VGLL2: variants seen among roughly 807,000 people sequenced by gnomAD.
VGLL2 encodes vestigial like family member 2, also known as transcription cofactor vestigial-like protein 2.
Under a neutral mutation model 27.0 loss-of-function variants are expected in VGLL2, and 18 were observed. The ratio of observed to expected loss-of-function variants is 0.67; its 90% CI spans 0.46 to 0.99. The LOEUF is 0.99. Among genes scored for constraint, VGLL2 ranks in the 50% least tolerant of loss-of-function variants. The pLI, the probability that VGLL2 is intolerant of heterozygous loss-of-function variation, is 0.00. For missense variants in VGLL2, 491 were observed against 452.3 expected (o/e 1.09, Z -0.78); for synonymous variants, 220 against 201.1 (o/e 1.09, Z -0.80).
rs998059585 is a variant in VGLL2 at position 117,265,783 on chromosome 6, T to G, written c.20T>G (p.Met7Arg). The G allele has an allele frequency of 6.2e-7, 1 of 1,614,134 alleles. No homozygotes were observed. Among genetic ancestry groups the G allele is most frequent in the Non-Finnish European group, 8.5e-7 (1 of 1,179,982 alleles). The change falls in exon 1 of 4, where the codon ATG becomes AGG. Residue 7 changes from methionine to arginine, a missense_variant. Transcript: ENST00000326274. Reference protein sequence around the residue: MSCLDVMYQVYGPPQPY... With the variant: MSCLDVRYQVYGPPQPY... Reference sequence around the variant, plus strand: ...AGAGTCATGAGCTGTCTGGATGTTATGTACCAAGTCTATGGTCCTCCGCAG... The same window carrying G: ...AGAGTCATGAGCTGTCTGGATGTTAGGTACCAAGTCTATGGTCCTCCGCAG...
Position 117,270,722 on chromosome 6 carries a change from A to G in VGLL2, c.571A>G (p.Thr191Ala). 6.6e-7 allele frequency: 1 copy of G among 1,526,520 alleles called. No homozygotes were observed. The highest frequency in any genetic ancestry group is 8.7e-7 in the Non-Finnish European group (1 of 1,146,642). 94.6% of individuals were successfully genotyped at this position (1,526,520 alleles called of 1,614,324 possible). A position where few individuals can be genotyped will look rare whatever the true frequency, so the allele number is the denominator to read the frequency against. The stretch of plus-strand genomic sequence containing the variant: ...GCATGGCCACCTGCACCAGGGCGCC[A>G]CGGAGCCCTGGCACCACGCGCACCC... ...ALHGHLHQGA[T>A]EPWHHAHPHH... The change falls in exon 3 of 4, where the codon ACG becomes GCG. Residue 191 changes from threonine to alanine, a missense_variant. Thr to Ala is a moderately conservative substitution (Grantham distance 58). Transcript: ENST00000326274.
intron 2 of VGLL2, among the ~76,000 whole-genome samples, chr6:117,269,669 T>C (rs1216107428): frequency 2.0e-5 from 3 of 152,236 alleles, no homozygotes; most frequent in Non-Finnish European, 4.4e-5. Context: ...GAATTAAATA[T>C]CTGTCTTTCT....
At chr6:117,268,097 A>C in intron 1 of VGLL2, 85 bp from the exon 2 acceptor site, 28 of 1,351,796 alleles carry the variant, frequency 2.1e-5, no homozygotes, top group Non-Finnish European at 2.7e-5. Context: ...TAAATACCTT[A>C]GAGATTAGGA....
In VGLL2 at chr6:117,270,989, T is replaced by G; in HGVS notation, c.838T>G (p.Trp280Gly). 1 of 1,232,696 alleles carries G rather than the reference T, an allele frequency of 8.1e-7. No individual in the cohort carries two copies. Among genetic ancestry groups the G allele is most frequent in the Non-Finnish European group, 1.0e-6 (1 of 991,340 alleles). 76.4% of individuals were successfully genotyped at this position (1,232,696 alleles called of 1,614,324 possible). ...SGKGEPAGAA[W>G]AGPGGPFASP... ...CAAAGGCGAGCCGGCGGGCGCCGCG[T>G]GGGCCGGGCCCGGGGGACCCTTCGC... The change falls in exon 3 of 4, where the codon TGG becomes GGG. Residue 280 changes from tryptophan to glycine, a missense_variant. Trp to Gly is a radical substitution (Grantham distance 184). Coordinates refer to ENST00000326274, the MANE Select transcript of VGLL2 (RefSeq NM_182645.3).
chr6:117,269,356 C>A (rs1773133456), intron 2 of VGLL2, among the ~76,000 whole-genome samples: 1 of 152,120 alleles, frequency 6.6e-6, no homozygotes, highest in South Asian at 2.1e-4. Context: ...GTGTACCAAG[C>A]TGAGAAAGGG....
chr6:117,270,490 T>A, intron 2 of VGLL2, 53 bp from the exon 3 acceptor site: 3 of 1,517,494 alleles, frequency 2.0e-6, no homozygotes, highest in Non-Finnish European at 2.6e-6. Context: ...CCAGCCGCAG[T>A]GACACGCACC....
chr6:117,270,027 G>A (rs1773147727), intron 2 of VGLL2, among the ~76,000 whole-genome samples: 1 of 152,104 alleles, frequency 6.6e-6, no homozygotes. Context: ...TAGGTGGTGG[G>A]GGGCACATTT....
rs746120919 is a variant in VGLL2, at chr6:117,268,351, G to A, written c.251G>A (p.Arg84His). ...RPPEAEYINS[R>H]CVLFTYFQGD... ...CCAGAGGCAGAGTACATCAACTCCCGCTGCGTCCTCTTCACTTATTTCCAG... is the reference window on the plus strand; with the variant it reads ...CCAGAGGCAGAGTACATCAACTCCCACTGCGTCCTCTTCACTTATTTCCAG... The change falls in exon 2 of 4, where the codon CGC becomes CAC. Residue 84 changes from arginine to histidine, a missense_variant. By Grantham distance (29) the Arg-to-His change is conservative. Coordinates refer to ENST00000326274, the MANE Select transcript of VGLL2 (RefSeq NM_182645.3). 13 of 1,614,008 alleles carry A rather than the reference G, an allele frequency of 8.1e-6. No homozygotes were observed. The highest frequency in any genetic ancestry group is 6.7e-5 in the African/African-American group (5 of 74,900).
chr6:117,271,650 G>A (rs1424216071), intron 3 of VGLL2, among the ~76,000 whole-genome samples: 1 of 151,846 alleles, frequency 6.6e-6, no homozygotes, highest in Non-Finnish European at 1.5e-5. Context: ...TATGCTTATG[G>A]CTCCCATTGT....
rs1042366767 is a variant in VGLL2, at chr6:117,271,318, AATAATG to A, written c.913+260_913+265del. ...TTAAAATAATAATAATAATAATAAT[AATAATG>A]ATAATAATAATAATAATAATAATAA... is the stretch of plus-strand genomic sequence containing the variant. On this transcript the variant is annotated intron_variant, in intron 3 of 3. Transcript: ENST00000326274. Among the ~76,000 whole-genome samples the A allele has an allele frequency of 1.0e-4, 14 of 139,940 alleles. 1 individual carries two copies. The South Asian group carries it at 1.5e-3, about 15-fold the overall frequency. The allele number at this position is 139,940 out of a possible 152,430, so 91.8% of individuals were successfully genotyped here. A position where few individuals can be genotyped will look rare whatever the true frequency, so the allele number is the denominator to read the frequency against.
chr6:117,271,110 G>A (rs1328523840), intron 3 of VGLL2, 46 bp downstream of exon 3: 4 of 1,201,134 alleles, frequency 3.3e-6, no homozygotes, highest in Non-Finnish European at 3.1e-6. Flanking sequence ...GCTCGGCCCC[G>A]TACCCGACCC....
At chr6:117,268,909 AC>A (rs1350916818) in intron 2 of VGLL2, among the ~76,000 whole-genome samples, 1 of 152,272 alleles carries the variant, frequency 6.6e-6, no homozygotes, top group South Asian at 2.1e-4. Context: ...ACCCTCCCAA[AC>A]CAGTGAGTGA....
At chr6:117,270,423 C>A in intron 2 of VGLL2, 120 bp from the exon 3 acceptor site, 1 of 1,315,492 alleles carries the variant, frequency 7.6e-7, no homozygotes, top group East Asian at 3.0e-5. Flanking sequence ...GCTAGCCAGC[C>A]CTGTGCCCGC....
intron 2 of VGLL2, among the ~76,000 whole-genome samples, chr6:117,270,297 T>C (rs1159072779): frequency 1.3e-5 from 2 of 152,150 alleles, no homozygotes; most frequent in Non-Finnish European, 2.9e-5. Flanking sequence ...GGCCTCCTTT[T>C]CGTGGGTTCC....
At chr6:117,270,124 G>A (rs75009292) in intron 2 of VGLL2, among the ~76,000 whole-genome samples, 24,006 of 151,924 alleles carry the variant, frequency 0.16, 2,671 homozygotes, top group African/African-American at 0.32. Flanking sequence ...CGTTAGCTTG[G>A]GGAGAGGTTA....
rs777255596 is a variant in VGLL2 at position 117,268,391 on chromosome 6, C to T, written c.291C>T (p.Ser97=). The change falls in exon 2 of 4, where the codon TCC becomes TCT. Residue 97 remains serine (S), a synonymous_variant. Transcript: ENST00000326274. ...LFTYFQGDIS[S]VVDEHFSRAL... Reference sequence around the variant, plus strand: ...CTTATTTCCAGGGGGACATCAGCTCCGTGGTGGATGAACATTTCAGCAGGG... The same window carrying T: ...CTTATTTCCAGGGGGACATCAGCTCTGTGGTGGATGAACATTTCAGCAGGG... The T allele has an allele frequency of 2.5e-6, 4 of 1,614,044 alleles. No homozygotes were observed. The highest frequency in any genetic ancestry group is 2.7e-5 in the African/African-American group (2 of 74,972).
chr6:117,268,526 G>T (rs543252482), intron 2 of VGLL2, 35 bp downstream of exon 2: 2 of 1,527,110 alleles, frequency 1.3e-6, no homozygotes, highest in South Asian at 1.2e-5. Context: ...GGACCCATAG[G>T]GGGTCCTCTC....
chr6:117,267,151 C>A (rs973609715), intron 1 of VGLL2, among the ~76,000 whole-genome samples: 1 of 152,142 alleles, frequency 6.6e-6, no homozygotes, highest in Non-Finnish European at 1.5e-5. Flanking sequence ...TCTGACTGGC[C>A]CTTTCTTCTC....
Position 117,270,611 on chromosome 6 carries a change from G to C in VGLL2, c.460G>C (p.Val154Leu). 6.4e-7 allele frequency: 1 copy of C among 1,569,742 alleles called. No individual in the cohort carries two copies. Among genetic ancestry groups the C allele is most frequent in the Non-Finnish European group, 8.6e-7 (1 of 1,160,792 alleles). Reference sequence around the variant, plus strand: ...CTGGAATAGCGCGTACCAGGCGCCAGTGCCCCCGCCGCTGGGCAGCCCTCT... The same window carrying C: ...CTGGAATAGCGCGTACCAGGCGCCACTGCCCCCGCCGCTGGGCAGCCCTCT... The part of the protein sequence containing the change: ...SFWNSAYQAP[V>L]PPPLGSPLAT... The change falls in exon 3 of 4, where the codon GTG becomes CTG. Residue 154 changes from valine (V) to leucine (L), a missense_variant. By Grantham distance (32) the Val-to-Leu change is conservative (BLOSUM62 1). Coordinates refer to ENST00000326274, the MANE Select transcript of VGLL2 (RefSeq NM_182645.3).
Sources: allele counts gnomAD v4.1 joint callset (sites outside exome capture counted in the v4.1 genomes callset), GRCh38; gene constraint gnomAD v4.1.1; transcripts MANE v1.5; gene names NCBI Gene and HGNC (gene_info 2026-07-23, HGNC 2026-07-21).